Variants in MGST1 observed in about 807,000 individuals in gnomAD.
The protein encoded by MGST1 is glutathione S-transferase 12.
Under a neutral mutation model 8.9 loss-of-function variants are expected in MGST1, and 5 were observed. That is an observed-to-expected ratio of 0.56 (90% CI 0.29 to 1.19). MGST1 has a LOEUF of 1.19. MGST1 is among the 50% of genes most tolerant of loss of function. The probability of loss-of-function intolerance (pLI) is 0.08; values close to 1 mark genes in which losing one functional copy is unlikely to be tolerated. For synonymous variants in MGST1, 54 were observed against 67.8 expected, an observed-to-expected ratio of 0.80 and a Z score of 1.00; for missense variants, 182 against 187.4, an observed-to-expected ratio of 0.97 and a Z score of 0.17.
In MGST1 at chr12:16,559,024, C is replaced by T. The variant is rs1942295016; in HGVS notation, n.483-30504C>T. ...TGCTGAAATTTGAATCCCGTTCTCA[C>T]TAGAAATGTCACATTCTTTCTACTA... On this transcript the variant is annotated intron_variant and non_coding_transcript_variant, in intron 4 of 4. Transcript: ENST00000538857. The surrounding 1 kb of genome is among the most constrained non-coding windows in gnomAD (Gnocchi z 4.1). Among the ~76,000 whole-genome samples the T allele has an allele frequency of 2.0e-5, 3 of 152,124 alleles. No individual in the cohort carries two copies. The South Asian group carries it at 6.2e-4, about 32-fold the overall frequency.
At chr12:16,442,187 A>G (rs1941044533), downstream of MGST1, among the ~76,000 whole-genome samples, 1 of 151,514 alleles carries the variant, frequency 6.6e-6, no homozygotes, top group Admixed American at 6.6e-5. This position sits in a 1 kb window ranked among gnomAD's most constrained non-coding sequence, Gnocchi z 4.5. Flanking sequence ...TTGAGCTTTA[A>G]GTTTTCTTTG....
intron 4 of MGST1, among the ~76,000 whole-genome samples, chr12:16,471,932 C>A (rs1280727214): frequency 6.6e-6 from 1 of 151,930 alleles, no homozygotes; most frequent in African/African-American, 2.4e-5. Flanking sequence ...CACACACACA[C>A]ACACACACAG....
At chr12:16,368,703 A>G (rs987761375), downstream of MGST1, among the ~76,000 whole-genome samples, 11 of 152,160 alleles carry the variant, frequency 7.2e-5, no homozygotes, top group African/African-American at 2.7e-4. Flanking sequence ...GATGAGCTAT[A>G]GGACCTGTGA....
chr12:16,560,343 C>A lies in MGST1; in HGVS notation n.483-29185C>A. The A allele has an allele frequency of 6.7e-7, 1 of 1,481,714 alleles. No homozygotes were observed. Among genetic ancestry groups the A allele is most frequent in the Non-Finnish European group, 9.1e-7 (1 of 1,093,808 alleles). The allele number at this position is 1,481,714 out of a possible 1,614,324, so 91.8% of individuals were successfully genotyped here. A position where few individuals can be genotyped will look rare whatever the true frequency, so the allele number is the denominator to read the frequency against. ...GCTTTAAATGTATGAATATAATTTC[C>A]ACCTATTAAATAAATAGCCAGCACA... On this transcript the variant is annotated intron_variant and non_coding_transcript_variant, in intron 4 of 4. Transcript: ENST00000538857. The surrounding 1 kb of genome is among the most constrained non-coding windows in gnomAD (Gnocchi z 5.0).
rs576026627 is a variant in MGST1 at position 16,360,110 on chromosome 12, A to C, written c.221+2411A>C. On this transcript the variant is annotated intron_variant, in intron 3 of 3. Transcript: ENST00000396210. ...TGATGAGACACTGGCTTTTCCGCATACTGAGAGAAGAGCGTCTCCAACAGA... is the reference window on the plus strand; with the variant it reads ...TGATGAGACACTGGCTTTTCCGCATCCTGAGAGAAGAGCGTCTCCAACAGA... Among the ~76,000 whole-genome samples the C allele has an allele frequency of 3.3e-5, 5 of 152,322 alleles. No homozygotes were observed. In the South Asian group the frequency reaches 1.0e-3, roughly 32 times the overall value.
chr12:16,548,570 C>T lies in MGST1; in HGVS notation n.483-40958C>T, dbSNP rs760058958. 2 of 152,088 alleles carry T rather than the reference C, an allele frequency of 1.3e-5. No individual in the cohort carries two copies. The highest frequency in any genetic ancestry group is 2.9e-5 in the Non-Finnish European group (2 of 68,014). The allele number at this position is 152,088 out of a possible 1,614,324, so 9.4% of individuals were successfully genotyped here. A position where few individuals can be genotyped will look rare whatever the true frequency, so the allele number is the denominator to read the frequency against. On this transcript the variant is annotated intron_variant and non_coding_transcript_variant, in intron 4 of 4. Transcript: ENST00000538857. This position sits in a 1 kb window ranked among gnomAD's most constrained non-coding sequence, Gnocchi z 4.2. ...TGCGAGATGCATCTTAGGAAGGGAG[C>T]TTTCGCTGCTCAGAAATCAAAGCTC... is the stretch of plus-strand genomic sequence containing the variant.
At chr12:16,545,845 T>G (rs1941820945) in intron 4 of MGST1, among the ~76,000 whole-genome samples, 1 of 152,106 alleles carries the variant, frequency 6.6e-6, no homozygotes, top group African/African-American at 2.4e-5. Context: ...TTTGGAATTT[T>G]TGCTCAAGCA....
chr12:16,443,791 A>G (rs1038492991), intron 4 of MGST1, among the ~76,000 whole-genome samples: 1 of 151,842 alleles, frequency 6.6e-6, no homozygotes, highest in African/African-American at 2.4e-5. Context: ...CTTGGTCTCT[A>G]TTCTTCCATC....
intron 1 of MGST1, 32 bp from the exon 2 acceptor site, chr12:16,354,199 G>C (rs1487123885): frequency 8.6e-6 from 13 of 1,504,000 alleles, no homozygotes; most frequent in Non-Finnish European, 1.1e-5. Context: ...ATTTATGTCT[G>C]CTTTTTCCCA....
intron 4 of MGST1, among the ~76,000 whole-genome samples, chr12:16,509,068 G>A (rs981806205): frequency 3.3e-5 from 5 of 152,080 alleles, no homozygotes. Context: ...AATTATTAAA[G>A]CAATTTCTTG....
chr12:16,560,562 T>G lies in MGST1; in HGVS notation n.483-28966T>G. On this transcript the variant is annotated intron_variant and non_coding_transcript_variant, in intron 4 of 4. Transcript: ENST00000538857. The surrounding 1 kb of genome is among the most constrained non-coding windows in gnomAD (Gnocchi z 5.0). Reference sequence around the variant, plus strand: ...GCCTAGAATAAGAAACATTTTTTTTTTTTTACAAACTCTTACAGAGAAATC... The same window carrying G: ...GCCTAGAATAAGAAACATTTTTTTTGTTTTACAAACTCTTACAGAGAAATC... The G allele has an allele frequency of 6.2e-7, 1 of 1,602,560 alleles. No homozygotes were observed. Among genetic ancestry groups the G allele is most frequent in the Non-Finnish European group, 8.5e-7 (1 of 1,175,876 alleles).
intron 4 of MGST1, among the ~76,000 whole-genome samples, chr12:16,473,994 G>A (rs1941304827): frequency 6.6e-6 from 1 of 152,192 alleles, no homozygotes; most frequent in South Asian, 2.1e-4. Flanking sequence ...GAATTTGCTT[G>A]TGTCCCTATA....
rs1360934085 is a variant in MGST1, at chr12:16,361,182, C to A, written c.222-2613C>A. Among the ~76,000 whole-genome samples, 2 of 152,130 alleles carry A rather than the reference C, an allele frequency of 1.3e-5. No individual in the cohort carries two copies. The highest frequency in any genetic ancestry group is 4.8e-5 in the African/African-American group (2 of 41,430). The stretch of plus-strand genomic sequence containing the variant: ...ATGTGAACACATGGCTGGCTATGTG[C>A]TGAGGGTGAAGAGCTTTGGCTGAGA... On this transcript the variant is annotated intron_variant, in intron 3 of 3. Transcript: ENST00000396210. This position sits in a 1 kb window ranked among gnomAD's most constrained non-coding sequence, Gnocchi z 4.2.
intron 4 of MGST1, among the ~76,000 whole-genome samples, chr12:16,506,766 C>T (rs10846371): frequency 0.31 from 46,421 of 152,060 alleles, 8,011 homozygotes; most frequent in Non-Finnish European, 0.39. Flanking sequence ...GGAAAAAAGA[C>T]TACTTTTTCT....
chr12:16,421,785 A>G (rs1263581511), intron 1 of MGST1, among the ~76,000 whole-genome samples: 10 of 152,172 alleles, frequency 6.6e-5, no homozygotes. Flanking sequence ...AACCCCTGGC[A>G]ATAGTGAGAC....
chr12:16,516,794 C>T (rs1941618144), intron 4 of MGST1, among the ~76,000 whole-genome samples: 1 of 151,996 alleles, frequency 6.6e-6, no homozygotes, highest in African/African-American at 2.4e-5. Context: ...TTATGGCAAA[C>T]CCACTGACTA....
At chr12:16,364,504 C>A, downstream of MGST1, 1 of 578,264 alleles carries the variant, frequency 1.7e-6, no homozygotes, top group Non-Finnish European at 2.2e-6. The surrounding 1 kb of genome is among the most constrained non-coding windows in gnomAD (Gnocchi z 5.7). Flanking sequence ...ACTCTGTACC[C>A]TGCTTAGAAT....
intron 1 of MGST1, among the ~76,000 whole-genome samples, chr12:16,427,242 G>A (rs1172417970): frequency 3.3e-5 from 5 of 152,150 alleles, no homozygotes; most frequent in Non-Finnish European, 5.9e-5. Context: ...AGGTGCTTAG[G>A]CTGAGATACA....
intron 4 of MGST1, among the ~76,000 whole-genome samples, chr12:16,498,184 A>G (rs1190863302): frequency 6.6e-6 from 1 of 152,184 alleles, no homozygotes; most frequent in African/African-American, 2.4e-5. Flanking sequence ...CTCATATTTA[A>G]GACATTTTTC....
Sources: allele counts gnomAD v4.1 joint callset (sites outside exome capture counted in the v4.1 genomes callset), GRCh38; gene constraint gnomAD v4.1.1; non-coding constraint Gnocchi (gnomAD v3.1); transcripts MANE v1.5; gene names NCBI Gene and HGNC (gene_info 2026-07-23, HGNC 2026-07-21).